The following CDH12 variants were observed in gnomAD, a reference collection of about 807,000 sequenced individuals.
The protein encoded by CDH12 is cadherin-12.
CDH12 carries 41 observed loss-of-function variants against 74.1 expected under a neutral mutation model. That is an observed-to-expected ratio of 0.55 (90% CI 0.43 to 0.72). The LOEUF (loss-of-function observed/expected upper bound fraction) is 0.72, where lower values mean the gene tolerates loss of function less well. Ranked by LOEUF, CDH12 falls within the 30% of genes least tolerant of loss-of-function variation. The pLI is 0.00. For synonymous variants in CDH12, 399 were observed against 355.0 expected (o/e 1.12, Z -1.39); for missense variants, 945 against 977.2 (o/e 0.97, Z 0.44).
At chr5:22,153,741 T>C (rs1200868771) in intron 4 of CDH12, among the ~76,000 whole-genome samples, 3 of 149,152 alleles carry the variant, frequency 2.0e-5, no homozygotes, top group Non-Finnish European at 3.0e-5. Flanking sequence ...GTATTTTTAA[T>C]TAAAACATGT....
At chr5:22,675,679 C>A (rs1346159880) in intron 1 of CDH12, among the ~76,000 whole-genome samples, 3 of 151,904 alleles carry the variant, frequency 2.0e-5, no homozygotes, top group East Asian at 3.9e-4. Flanking sequence ...CTTTTGTCTG[C>A]CACCATGTGA....
At chr5:21,971,174 C>T (rs949775893) in intron 6 of CDH12, among the ~76,000 whole-genome samples, 2 of 151,754 alleles carry the variant, frequency 1.3e-5, no homozygotes, top group African/African-American at 4.8e-5. Flanking sequence ...ATAAACTTTC[C>T]AAATTCTTAA....
chr5:22,719,641 C>A (rs988919531), intron 1 of CDH12, among the ~76,000 whole-genome samples: 5 of 152,090 alleles, frequency 3.3e-5, no homozygotes, highest in Admixed American at 6.6e-5. Flanking sequence ...TCTGGATATG[C>A]TTTGCTAAGT....
intron 1 of CDH12, among the ~76,000 whole-genome samples, chr5:22,539,924 T>C (rs1190142043): frequency 6.6e-6 from 1 of 152,196 alleles, no homozygotes; most frequent in Non-Finnish European, 1.5e-5. Context: ...TTGTAAAATG[T>C]TAAGACAGCT....
intron 2 of CDH12, among the ~76,000 whole-genome samples, chr5:22,487,304 T>C (rs1454270540): frequency 1.3e-5 from 2 of 152,160 alleles, no homozygotes; most frequent in Non-Finnish European, 2.9e-5. Flanking sequence ...ACCTGGCCAA[T>C]GCATATATTT....
At chr5:22,017,958 C>T (rs1420515353) in intron 5 of CDH12, among the ~76,000 whole-genome samples, 1 of 152,040 alleles carries the variant, frequency 6.6e-6, no homozygotes, top group Non-Finnish European at 1.5e-5. Context: ...AAGATTTCTT[C>T]ATGTTGGCCA....
intron 4 of CDH12, among the ~76,000 whole-genome samples, chr5:22,145,942 A>G (rs1747145698): frequency 6.6e-6 from 1 of 152,090 alleles, no homozygotes; most frequent in South Asian, 2.1e-4. Context: ...CAATAGATCC[A>G]TAATGATCGC....
intron 4 of CDH12, among the ~76,000 whole-genome samples, chr5:22,119,252 T>C (rs1029059674): frequency 1.3e-5 from 2 of 151,244 alleles, no homozygotes; most frequent in African/African-American, 4.9e-5. Flanking sequence ...TAAAGAACAG[T>C]GTAACATTGG....
chr5:22,723,981 C>T (rs757192368), intron 1 of CDH12, among the ~76,000 whole-genome samples: 10 of 151,766 alleles, frequency 6.6e-5, no homozygotes, highest in Non-Finnish European at 1.3e-4. Flanking sequence ...TTGATTAATA[C>T]GTGATACCGT....
intron 3 of CDH12, among the ~76,000 whole-genome samples, chr5:22,321,583 A>G (rs1224956061): frequency 6.7e-6 from 1 of 150,064 alleles, no homozygotes. Context: ...AGCACGGCAC[A>G]TGTATACATA....
At chr5:22,747,830 T>G (rs939238703) in intron 1 of CDH12, among the ~76,000 whole-genome samples, 2 of 152,282 alleles carry the variant, frequency 1.3e-5, no homozygotes, top group Middle Eastern at 3.4e-3. Context: ...AGTATTTTAT[T>G]TTTCAAAATG....
chr5:21,907,318 C>T (rs1198044970), intron 6 of CDH12, among the ~76,000 whole-genome samples: 1 of 152,050 alleles, frequency 6.6e-6, no homozygotes, highest in African/African-American at 2.4e-5. Context: ...AGCCAGCGAC[C>T]CAGTTGGGAA....
chr5:22,833,804 C>T (rs1341198773), intron 1 of CDH12, among the ~76,000 whole-genome samples: 4 of 152,142 alleles, frequency 2.6e-5, no homozygotes, highest in African/African-American at 9.7e-5. Context: ...AGAATTTCAT[C>T]ATCTGTCTTG....
chr5:22,157,654 T>C (rs148660079), intron 4 of CDH12, among the ~76,000 whole-genome samples: 7,017 of 152,080 alleles, frequency 0.046, 498 homozygotes, highest in East Asian at 0.28. Flanking sequence ...GTCAAATAAA[T>C]GTTTATATTA....
chr5:22,088,600 C>T (rs1743215286), intron 4 of CDH12, among the ~76,000 whole-genome samples: 1 of 152,130 alleles, frequency 6.6e-6, no homozygotes, highest in Non-Finnish European at 1.5e-5. Context: ...ACATTCCTCT[C>T]AGGGGAAACA....
intron 2 of CDH12, among the ~76,000 whole-genome samples, chr5:22,442,452 C>G (rs1307564223): frequency 1.3e-5 from 2 of 152,108 alleles, no homozygotes; most frequent in Non-Finnish European, 1.5e-5. Flanking sequence ...ATAGTCTGAA[C>G]AACACAGTGA....
At chr5:22,659,031 C>T (rs1561557854) in intron 1 of CDH12, among the ~76,000 whole-genome samples, 1 of 151,944 alleles carries the variant, frequency 6.6e-6, no homozygotes, top group Non-Finnish European at 1.5e-5. Flanking sequence ...CCAATGGGAC[C>T]ATTTTCATGT....
chr5:22,228,798 C>T (rs1752282825), intron 3 of CDH12, among the ~76,000 whole-genome samples: 1 of 130,250 alleles, frequency 7.7e-6, no homozygotes, highest in African/African-American at 2.5e-5. Flanking sequence ...TTATTATGTT[C>T]TAAAAAAAAT....
chr5:22,453,603 A>T (rs1426869913), intron 2 of CDH12, among the ~76,000 whole-genome samples: 2 of 152,010 alleles, frequency 1.3e-5, no homozygotes, highest in African/African-American at 4.8e-5. Flanking sequence ...CTTATGAGAG[A>T]GGTTGGTTAA....
Sources: allele counts gnomAD v4.1 joint callset (sites outside exome capture counted in the v4.1 genomes callset), GRCh38; gene constraint gnomAD v4.1.1; transcripts MANE v1.5; gene names NCBI Gene and HGNC (gene_info 2026-07-23, HGNC 2026-07-21).